Variants in CYP19A1 observed in about 807,000 individuals in gnomAD.
The protein encoded by CYP19A1 is aromatase.
CYP19A1 carries 32 observed loss-of-function variants against 44.4 expected under a neutral mutation model. The ratio of observed to expected loss-of-function variants is 0.72; its 90% CI spans 0.54 to 0.97. CYP19A1 has a LOEUF of 0.97. CYP19A1 is among the 50% of genes least tolerant of loss of function. CYP19A1 has a pLI of 0.00. For synonymous variants in CYP19A1, 212 were observed against 215.6 expected, an observed-to-expected ratio of 0.98 and a Z score of 0.14; for missense variants, 598 against 637.8, an observed-to-expected ratio of 0.94 and a Z score of 0.67.
intron 1 of CYP19A1, among the ~76,000 whole-genome samples, chr15:51,283,846 A>G (rs2035611148): frequency 6.6e-6 from 1 of 152,188 alleles, no homozygotes; most frequent in Non-Finnish European, 1.5e-5. Flanking sequence ...TGCCCTCACA[A>G]GCGTACAACA....
chr15:51,255,988 T>C (rs1277416124), intron 1 of CYP19A1, among the ~76,000 whole-genome samples: 1 of 152,234 alleles, frequency 6.6e-6, no homozygotes. Flanking sequence ...AGAGTATCAT[T>C]GCCCAATTTT....
At chr15:51,213,555 G>A (rs983242201) in intron 8 of CYP19A1, among the ~76,000 whole-genome samples, 1 of 152,124 alleles carries the variant, frequency 6.6e-6, no homozygotes, top group Non-Finnish European at 1.5e-5. Context: ...AAAAGAAGAT[G>A]ATGGAGAAGG....
chr15:51,304,205 C>G (rs1456188460), intron 1 of CYP19A1, among the ~76,000 whole-genome samples: 1 of 152,164 alleles, frequency 6.6e-6, no homozygotes, highest in Admixed American at 6.5e-5. Context: ...GGAAGGTATA[C>G]TGAGGGCTTG....
intron 1 of CYP19A1, among the ~76,000 whole-genome samples, chr15:51,251,009 C>T (rs568030618): frequency 2.0e-5 from 3 of 152,286 alleles, no homozygotes; most frequent in African/African-American, 4.8e-5. Flanking sequence ...GACCACATCA[C>T]AAGAACAGGC....
chr15:51,284,344 C>G (rs1046119463), intron 1 of CYP19A1, among the ~76,000 whole-genome samples: 18 of 152,068 alleles, frequency 1.2e-4, no homozygotes, highest in Non-Finnish European at 2.4e-4. Flanking sequence ...AATCAATGAC[C>G]CCGACACTGG....
chr15:51,254,494 C>G (rs994929167), intron 1 of CYP19A1, among the ~76,000 whole-genome samples: 1 of 152,106 alleles, frequency 6.6e-6, no homozygotes, highest in African/African-American at 2.4e-5. Flanking sequence ...TGGCCCCACC[C>G]CCCTCCATTT....
chr15:51,307,954 T>A (rs28757098), intron 1 of CYP19A1, among the ~76,000 whole-genome samples: 2 of 152,184 alleles, frequency 1.3e-5, no homozygotes, highest in East Asian at 3.9e-4. Context: ...TAGAAACAAA[T>A]GAACACAAAG....
chr15:51,277,465 A>G (rs2035353985), intron 1 of CYP19A1: 1 of 152,232 alleles, frequency 6.6e-6, no homozygotes, highest in Admixed American at 6.5e-5. Context: ...TCTTACGGCA[A>G]TGAAAGCAAA....
chr15:51,328,734 G>A (rs147847758), intron 1 of CYP19A1, among the ~76,000 whole-genome samples: 14 of 152,324 alleles, frequency 9.2e-5, no homozygotes, highest in Non-Finnish European at 1.8e-4. Context: ...TTTTCTGGGT[G>A]TGTTGGGGAG....
intron 1 of CYP19A1, among the ~76,000 whole-genome samples, chr15:51,267,045 C>A (rs1297201674): frequency 6.6e-6 from 1 of 152,200 alleles, no homozygotes; most frequent in African/African-American, 2.4e-5. Flanking sequence ...AGGAACTTTC[C>A]CTGCTTCTAC....
intron 8 of CYP19A1, among the ~76,000 whole-genome samples, chr15:51,214,490 C>G (rs2031368704): frequency 6.6e-6 from 1 of 152,178 alleles, no homozygotes; most frequent in South Asian, 2.1e-4. Flanking sequence ...GTCATCCTCT[C>G]CTCTTCCTTC....
intron 1 of CYP19A1, among the ~76,000 whole-genome samples, chr15:51,305,550 T>G (rs545902797): frequency 1.2e-4 from 18 of 151,884 alleles, no homozygotes; most frequent in Middle Eastern, 3.4e-3. Flanking sequence ...GATAATAAAT[T>G]TGTGTGTGTG....
intron 1 of CYP19A1, among the ~76,000 whole-genome samples, chr15:51,249,899 C>A (rs2034236453): frequency 6.6e-6 from 1 of 152,248 alleles, no homozygotes; most frequent in South Asian, 2.1e-4. Context: ...GCACTGGGGT[C>A]ATGACACTTG....
chr15:51,229,690 A>G (rs936586985), intron 3 of CYP19A1, among the ~76,000 whole-genome samples: 5 of 152,160 alleles, frequency 3.3e-5, no homozygotes, highest in African/African-American at 1.2e-4. Flanking sequence ...TACTAATTAA[A>G]ATATTTGAAA....
At chr15:51,229,988 C>A (rs72727164) in intron 3 of CYP19A1, among the ~76,000 whole-genome samples, 12,804 of 152,228 alleles carry the variant, frequency 0.084, 689 homozygotes, top group Admixed American at 0.18. Flanking sequence ...AAGAGCCAAC[C>A]TTTAAAATTC....
intron 1 of CYP19A1, among the ~76,000 whole-genome samples, chr15:51,254,863 C>A (rs537157025): frequency 2.0e-5 from 3 of 152,068 alleles, no homozygotes; most frequent in Admixed American, 2.0e-4. Context: ...TTACAACTTG[C>A]GGTTTCCTTT....
At chr15:51,275,821 C>G (rs962048380) in intron 1 of CYP19A1, among the ~76,000 whole-genome samples, 68 of 152,158 alleles carry the variant, frequency 4.5e-4, no homozygotes, top group Non-Finnish European at 9.6e-4. Flanking sequence ...TGTTTCCGTT[C>G]AGGTAGTAAA....
chr15:51,226,269 C>T lies in CYP19A1; in HGVS notation c.451+1510G>A, dbSNP rs118127333. Reference sequence around the variant, plus strand: ...ACAAGCCAAGGAATGTGGCTGGCCTCTAGAGCTGGAAAAGACAAAGAAAGA... The same window carrying T: ...ACAAGCCAAGGAATGTGGCTGGCCTTTAGAGCTGGAAAAGACAAAGAAAGA... On this transcript the variant is annotated intron_variant, in intron 4 of 9. Coordinates refer to ENST00000396402, the MANE Select transcript of CYP19A1 (RefSeq NM_000103.4). Among the ~76,000 whole-genome samples, 77 of 152,198 alleles carry T rather than the reference C, an allele frequency of 5.1e-4. 1 individual carries two copies. In the East Asian group the frequency reaches 0.013, roughly 26 times the overall value.
chr15:51,294,647 C>T (rs988241929), intron 1 of CYP19A1, among the ~76,000 whole-genome samples: 8 of 134,906 alleles, frequency 5.9e-5, no homozygotes, highest in Non-Finnish European at 8.0e-5. Flanking sequence ...GTCAGCCCCC[C>T]GCCCGGCCAG....
Sources: gnomAD v4.1 joint callset for allele counts (sites outside exome capture counted in the v4.1 genomes callset) on GRCh38, gnomAD v4.1.1 for gene constraint, MANE v1.5 for transcripts, NCBI Gene and HGNC (gene_info 2026-07-23, HGNC 2026-07-21) for gene names.